Variants in DZIP3 observed in about 807,000 individuals in gnomAD.
DZIP3 encodes DAZ interacting zinc finger protein 3, also known as E3 ubiquitin-protein ligase DZIP3.
A neutral mutation model predicts 162.0 loss-of-function variants in DZIP3; 118 were observed. The ratio of observed to expected loss-of-function variants is 0.73; its 90% confidence interval spans 0.63 to 0.85. The LOEUF is 0.85. Ranked by LOEUF, DZIP3 falls within the 40% of genes least tolerant of loss-of-function variation. DZIP3 has a pLI of 0.00. For synonymous variants in DZIP3, 438 were observed against 458.6 expected (o/e 0.96, Z 0.57); for missense variants, 1,331 against 1,407.0 (o/e 0.95, Z 0.86).
chr3:108,631,605 T>A (rs1023404286), intron 8 of DZIP3, among the ~76,000 whole-genome samples: 8 of 118,568 alleles, frequency 6.7e-5, no homozygotes, highest in African/African-American at 1.3e-4. Context: ...TTTTTTTTTT[T>A]AGTAAAGACA....
intron 1 of DZIP3, among the ~76,000 whole-genome samples, chr3:108,594,240 AT>A (rs2107421851): frequency 1.3e-5 from 2 of 150,898 alleles, no homozygotes; most frequent in African/African-American, 4.9e-5. Context: ...ATTAATTCTC[AT>A]TTTTCTTTGA....
intron 25 of DZIP3, among the ~76,000 whole-genome samples, chr3:108,676,556 T>C (rs973292637): frequency 6.6e-6 from 1 of 152,052 alleles, no homozygotes; most frequent in African/African-American, 2.4e-5. Context: ...TTTATATTTA[T>C]ATACTAAGGT....
rs750801116 is a variant in DZIP3 at position 108,642,489 on chromosome 3, G to T, written c.1116G>T (p.Lys372Asn). The T allele has an allele frequency of 1.6e-5, 24 of 1,480,718 alleles. No individual in the cohort carries two copies. The highest frequency in any genetic ancestry group is 9.1e-7 in the Non-Finnish European group (1 of 1,093,930). The allele number at this position is 1,480,718 out of a possible 1,614,324, so 91.7% of individuals were successfully genotyped here. A position where few individuals can be genotyped will look rare whatever the true frequency, so the allele number is the denominator to read the frequency against. The stretch of plus-strand genomic sequence containing the variant: ...TAACTGATACTGATATAAGACCGAA[G>T]ATCAGTTTAAAATTTAATACAAAAG... ...LKITDTDIRP[K>N]ISLKFNTKDE... Residue 372 changes from lysine (K) to asparagine (N), a missense_variant, in exon 13 of 33, where the codon AAG becomes AAT. Physicochemically the swap from Lys to Asn is moderately conservative, Grantham distance 94. Around this residue, in one of 2 missense-constraint regions of DZIP3, gnomAD observed 1,278 missense variants for 1,317.1 expected, o/e 0.97. Coordinates refer to ENST00000361582, the MANE Select transcript of DZIP3 (RefSeq NM_014648.4).
Position 108,625,883 on chromosome 3 carries a change from G to A in DZIP3, c.495G>A (p.Lys165=). The A allele has an allele frequency of 1.9e-6, 3 of 1,612,852 alleles. No homozygotes were observed. Among genetic ancestry groups the A allele is most frequent in the Non-Finnish European group, 2.5e-6 (3 of 1,179,402 alleles). ...CTGAGAATAAATTTCTGGTGATGAA[G>A]ATGATGATCCAAGAAAATGAAATTT... The part of the protein sequence containing the change: ...TEAENKFLVM[K]MMIQENEICE... The change falls in exon 7 of 33, where the codon AAG becomes AAA. Residue 165 remains lysine (K), a synonymous_variant. Transcript: ENST00000361582.
intron 1 of DZIP3, among the ~76,000 whole-genome samples, chr3:108,598,450 A>G (rs1250549299): frequency 2.0e-5 from 3 of 152,216 alleles, no homozygotes; most frequent in African/African-American, 7.2e-5. Flanking sequence ...ATGCAACCCA[A>G]GGTAATACAC....
Position 108,672,617 on chromosome 3 carries a change from C to G in DZIP3, c.2550C>G (p.Ser850Arg). Residue 850 changes from serine (S) to arginine (R), a missense_variant, in exon 23 of 33, where the codon AGC (serine) becomes AGG (arginine). Coordinates refer to ENST00000361582, the MANE Select transcript of DZIP3 (RefSeq NM_014648.4). ...NLESTMKTYVSKLNAETSRAL... is the reference protein window; with the variant it reads ...NLESTMKTYVRKLNAETSRAL... ...AAAGCACAATGAAAACATACGTAAG[C>G]AAACTGAACGCAGAAACTAGCAGAG... The G allele has an allele frequency of 6.2e-7, 1 of 1,611,218 alleles. No individual in the cohort carries two copies. The highest frequency in any genetic ancestry group is 1.1e-5 in the South Asian group (1 of 90,978).
chr3:108,621,606 A>C (rs2059913797), intron 5 of DZIP3, among the ~76,000 whole-genome samples: 1 of 152,194 alleles, frequency 6.6e-6, no homozygotes, highest in Admixed American at 6.5e-5. Context: ...TACAGGCAAT[A>C]ACAAATGCTG....
intron 13 of DZIP3, among the ~76,000 whole-genome samples, chr3:108,643,653 T>C (rs1218614250): frequency 6.6e-6 from 1 of 151,336 alleles, no homozygotes; most frequent in Non-Finnish European, 1.5e-5. Flanking sequence ...TTTAAATTAA[T>C]TAAAATTAAA....
At chr3:108,612,908 A>G (rs891833811) in intron 4 of DZIP3, among the ~76,000 whole-genome samples, 5 of 152,156 alleles carry the variant, frequency 3.3e-5, no homozygotes, top group Non-Finnish European at 7.4e-5. Context: ...TGAGTAAAAT[A>G]CTTAAGAAAT....
At chr3:108,627,636 A>C (rs543580005) in intron 7 of DZIP3, among the ~76,000 whole-genome samples, 68 of 152,322 alleles carry the variant, frequency 4.5e-4, no homozygotes, top group African/African-American at 1.6e-3. Context: ...CCTTTCTAGG[A>C]AAGTAAATCT....
intron 24 of DZIP3, 47 bp downstream of exon 24, chr3:108,674,228 G>A (rs374079749): frequency 2.0e-5 from 30 of 1,479,614 alleles, no homozygotes; most frequent in Non-Finnish European, 2.8e-5. Context: ...AGAGATGTTA[G>A]CAAGTGTCTC....
chr3:108,669,776 G>A (rs939465149), intron 22 of DZIP3, 27 bp downstream of exon 22: 1 of 1,547,392 alleles, frequency 6.5e-7, no homozygotes, highest in East Asian at 2.3e-5. Context: ...TTCTTTGGGT[G>A]CACTCTCTCT....
chr3:108,675,966 C>T lies in DZIP3; in HGVS notation c.2781+93C>T, dbSNP rs998709077. The T allele has an allele frequency of 7.3e-6, 8 of 1,099,250 alleles. No homozygotes were observed. In the African/African-American group the frequency reaches 9.9e-5, roughly 14 times the overall value. 68.1% of individuals were successfully genotyped at this position (1,099,250 alleles called of 1,614,324 possible). A position where few individuals can be genotyped will look rare whatever the true frequency, so the allele number is the denominator to read the frequency against. On this transcript the variant is annotated intron_variant, in intron 25 of 32. Transcript: ENST00000361582. The stretch of plus-strand genomic sequence containing the variant: ...ATTAGTAGAAAAATTTAAGGAAGAA[C>T]ATATTTTCCATTTTAGTTATAAAAG...
In DZIP3 at chr3:108,607,970, C is replaced by G. The variant is rs1576351218; in HGVS notation, c.33-119C>G. Reference sequence around the variant, plus strand: ...TATGGCACCTACCACCATTACCAGTCTTTGATACATTTTGGTTACACTTTC... The same window carrying G: ...TATGGCACCTACCACCATTACCAGTGTTTGATACATTTTGGTTACACTTTC... On this transcript the variant is annotated intron_variant, in intron 2 of 32. Transcript: ENST00000361582. 96 of 840,176 alleles carry G rather than the reference C, an allele frequency of 1.1e-4. No individual in the cohort carries two copies. The East Asian group carries it at 2.3e-3, about 20-fold the overall frequency. 52.0% of individuals were successfully genotyped at this position (840,176 alleles called of 1,614,324 possible).
chr3:108,663,425 G>A (rs1369029993), intron 21 of DZIP3, among the ~76,000 whole-genome samples: 2 of 151,782 alleles, frequency 1.3e-5, no homozygotes, highest in East Asian at 1.9e-4. Context: ...GCATGGTGGC[G>A]CATGCCTGTA....
intron 4 of DZIP3, among the ~76,000 whole-genome samples, chr3:108,614,868 T>A (rs1301917633): frequency 3.3e-5 from 5 of 152,310 alleles, no homozygotes; most frequent in Middle Eastern, 3.4e-3. Flanking sequence ...TAATAACACA[T>A]CCTTTAATTA....
intron 8 of DZIP3, among the ~76,000 whole-genome samples, chr3:108,631,055 A>ATACACACTCTCTCTCT (rs1553705360): frequency 2.8e-4 from 5 of 18,006 alleles, no homozygotes; most frequent in African/African-American, 1.4e-3. Context: ...ACACACACAC[A>ATACACACTCTCTCTCT]CTCTCTCTCT....
intron 17 of DZIP3, among the ~76,000 whole-genome samples, chr3:108,650,007 A>G (rs1320443786): frequency 6.6e-6 from 1 of 151,810 alleles, no homozygotes; most frequent in Non-Finnish European, 1.5e-5. Flanking sequence ...AAGTATTGGT[A>G]AGTCATGGGT....
intron 17 of DZIP3, 96 bp from the exon 18 acceptor site, chr3:108,651,041 A>C: frequency 4.5e-6 from 2 of 445,264 alleles, no homozygotes; most frequent in Non-Finnish European, 6.9e-6. Context: ...ATGATCAAAA[A>C]TTTTTTGAGA....
Sources: gnomAD v4.1 joint callset for allele counts (sites outside exome capture counted in the v4.1 genomes callset) on GRCh38, gnomAD v4.1.1 for gene constraint, gnomAD v4.1.1 regional missense constraint, MANE v1.5 for transcripts, NCBI Gene and HGNC (gene_info 2026-07-23, HGNC 2026-07-21) for gene names.